BEND3: variants seen among roughly 807,000 people sequenced by gnomAD.
BEND3 encodes the protein BEN domain containing 3.
In BEND3, 13 loss-of-function variants were observed where a neutral mutation model predicts 60.1. That is an observed-to-expected ratio of 0.22 (90% CI 0.14 to 0.34). The LOEUF (loss-of-function observed/expected upper bound fraction) is 0.34, where lower values mean the gene tolerates loss of function less well. BEND3 is among the 10% of genes least tolerant of loss of function. The pLI, the probability that BEND3 is intolerant of heterozygous loss-of-function variation, is 1.00. For synonymous variants in BEND3, 497 were observed against 491.5 expected (o/e 1.01, Z -0.15); for missense variants, 896 against 1,138.1 (o/e 0.79, Z 3.06).
At chr6:107,089,198 A>G (rs1775419436) in intron 3 of BEND3, among the ~76,000 whole-genome samples, 1 of 152,172 alleles carries the variant, frequency 6.6e-6, no homozygotes, top group African/African-American at 2.4e-5. Flanking sequence ...CATGTGAGAA[A>G]TTGAAGAAGA....
At chr6:107,071,904 C>T (rs1296348665) in intron 3 of BEND3, among the ~76,000 whole-genome samples, 2 of 152,152 alleles carry the variant, frequency 1.3e-5, no homozygotes, top group African/African-American at 2.4e-5. Context: ...AAATGGAGAA[C>T]GTCAGTGGGT....
chr6:107,103,115 G>T (rs1319891157), intron 1 of BEND3, among the ~76,000 whole-genome samples: 1 of 152,190 alleles, frequency 6.6e-6, no homozygotes, highest in Non-Finnish European at 1.5e-5. Flanking sequence ...TGGAAAGTCA[G>T]TCTGCTCCGT....
rs3814072 is a variant in BEND3, at chr6:107,070,009, C to T, written c.1182G>A (p.Thr394=). 0.081 allele frequency: 130,880 copies of T among 1,613,668 alleles called. 5,424 individuals carry two copies. Among genetic ancestry groups the T allele is most frequent in the Non-Finnish European group, 0.085 (100,477 of 1,179,988 alleles). Residue 394 remains threonine (T), a synonymous_variant, in exon 4 of 4, where the codon ACG becomes ACA. Coordinates refer to ENST00000369042, the MANE Select transcript of BEND3 (RefSeq NM_001367314.1). The surrounding 1 kb of genome is among the most constrained non-coding windows in gnomAD (Gnocchi z 6.9). ...CGTCCAGGAACTCAGTGAGGTCCTG[C>T]GTGTCCACCACGTGGTCTGAGGCGA... ...STIASDHVVD[T]QDLTEFLDEA...
chr6:107,078,430 G>A (rs1775143894), intron 3 of BEND3, among the ~76,000 whole-genome samples: 1 of 151,418 alleles, frequency 6.6e-6, no homozygotes, highest in African/African-American at 2.4e-5. Flanking sequence ...TGGGGTTGAG[G>A]GCTGGAGATG....
chr6:107,094,978 G>A (rs1248409905), intron 3 of BEND3, among the ~76,000 whole-genome samples: 8 of 151,818 alleles, frequency 5.3e-5, no homozygotes, highest in African/African-American at 7.3e-5. Context: ...GTGCCACCAC[G>A]CCTGGATAAT....
Position 107,067,278 on chromosome 6 carries a change from T to C in BEND3, c.*1426A>G, listed in dbSNP as rs893964345. ...GACTACCCTGTGTGATTCAATAAAT[T>C]TTCCAGGACTCTGGTATGACACACT... On this transcript the variant is annotated 3_prime_UTR_variant, in exon 4 of 4. Coordinates refer to ENST00000369042, the MANE Select transcript of BEND3 (RefSeq NM_001367314.1). 6.6e-6 allele frequency: 1 copy of C among 152,204 alleles called. No individual in the cohort carries two copies. Among genetic ancestry groups the C allele is most frequent in the Admixed American group, 6.6e-5 (1 of 15,262 alleles). The allele number at this position is 152,204 out of a possible 1,614,324, so 9.4% of individuals were successfully genotyped here.
intron 3 of BEND3, among the ~76,000 whole-genome samples, chr6:107,071,442 A>G (rs1554232066): frequency 6.6e-6 from 1 of 152,206 alleles, no homozygotes; most frequent in African/African-American, 2.4e-5. Flanking sequence ...TTTAGCCTGC[A>G]GCCTTTGGGA....
chr6:107,085,407 T>C (rs1775323087), intron 3 of BEND3, among the ~76,000 whole-genome samples: 1 of 152,250 alleles, frequency 6.6e-6, no homozygotes, highest in Non-Finnish European at 1.5e-5. Context: ...CTTCTACTTC[T>C]GGCAGGGGGA....
At chr6:107,111,768 G>A (rs1291069614) in intron 1 of BEND3, among the ~76,000 whole-genome samples, 2 of 151,906 alleles carry the variant, frequency 1.3e-5, no homozygotes, top group Non-Finnish European at 2.9e-5. Context: ...GATCACTTGA[G>A]GTCAGGAGTT....
chr6:107,070,878 C>T lies in BEND3; in HGVS notation c.313G>A (p.Gly105Ser). Reference protein sequence around the residue: ...CQGNGEQAGRGRSLGNVWPGE... With the variant: ...CQGNGEQAGRSRSLGNVWPGE... ...GGCCACACATTGCCCAGGCTCCTGC[C>T]CCTGCCGGCCTGCTCACCATTGCCT... The change falls in exon 4 of 4, where the codon GGC becomes AGC. Residue 105 changes from glycine (G) to serine (S), a missense_variant. Physicochemically the swap from Gly to Ser is moderately conservative, Grantham distance 56. Coordinates refer to ENST00000369042, the MANE Select transcript of BEND3 (RefSeq NM_001367314.1). This position sits in a 1 kb window ranked among gnomAD's most constrained non-coding sequence, Gnocchi z 6.9. 6.2e-7 allele frequency: 1 copy of T among 1,613,974 alleles called. No homozygotes were observed. Among genetic ancestry groups the T allele is most frequent in the South Asian group, 1.1e-5 (1 of 91,086 alleles).
intron 1 of BEND3, among the ~76,000 whole-genome samples, chr6:107,112,005 A>T (rs1253646664): frequency 4.0e-5 from 6 of 149,164 alleles, no homozygotes; most frequent in Non-Finnish European, 7.4e-5. Context: ...AAAAAAAAAA[A>T]ATTAAGCACC....
intron 1 of BEND3, among the ~76,000 whole-genome samples, chr6:107,107,064 G>A (rs1220551084): frequency 6.6e-6 from 1 of 151,262 alleles, no homozygotes; most frequent in Non-Finnish European, 1.5e-5. Flanking sequence ...AGCCTCCCAA[G>A]TATCTGGGAT....
At chr6:107,099,945 T>A (rs1775670633) in intron 1 of BEND3, among the ~76,000 whole-genome samples, 1 of 152,046 alleles carries the variant, frequency 6.6e-6, no homozygotes, top group Non-Finnish European at 1.5e-5. Flanking sequence ...TCATGGCTCA[T>A]TGCAGCCTCT....
intron 3 of BEND3, among the ~76,000 whole-genome samples, chr6:107,074,858 T>C (rs1775065988): frequency 6.6e-6 from 1 of 151,760 alleles, no homozygotes; most frequent in Non-Finnish European, 1.5e-5. Flanking sequence ...TCCCAGCACT[T>C]TGGGAGGCTG....
At chr6:107,108,357 C>T (rs782251583) in intron 1 of BEND3, among the ~76,000 whole-genome samples, 2 of 152,174 alleles carry the variant, frequency 1.3e-5, no homozygotes, top group Non-Finnish European at 2.9e-5. Flanking sequence ...GGGCTACCTC[C>T]TCACATGGCT....
In BEND3 at chr6:107,083,908, C is replaced by T. The variant is rs530433740; in HGVS notation, c.241-12958G>A. 8.5e-5 allele frequency among the ~76,000 whole-genome samples: 13 copies of T among 152,136 alleles called. No homozygotes were observed. The East Asian group carries it at 1.4e-3, about 16-fold the overall frequency. On this transcript the variant is annotated intron_variant, in intron 3 of 3. Transcript: ENST00000369042. The stretch of plus-strand genomic sequence containing the variant: ...TTTGAGACCAGACTTGGCAACACAG[C>T]GAGACCCTATCTTGAAAAAGAAAAA...
chr6:107,108,216 C>T (rs545552025), intron 1 of BEND3, among the ~76,000 whole-genome samples: 16 of 152,288 alleles, frequency 1.1e-4, no homozygotes, highest in South Asian at 6.2e-4. Flanking sequence ...CAAGCACAGC[C>T]GCACAACCCT....
chr6:107,071,396 T>A (rs1774978422), intron 3 of BEND3, among the ~76,000 whole-genome samples: 1 of 152,236 alleles, frequency 6.6e-6, no homozygotes, highest in South Asian at 2.1e-4. Flanking sequence ...CAGAGATTCC[T>A]ACCTATGGTA....
chr6:107,072,951 G>A (rs1385957711), intron 3 of BEND3, among the ~76,000 whole-genome samples: 1 of 151,924 alleles, frequency 6.6e-6, no homozygotes, highest in Non-Finnish European at 1.5e-5. Flanking sequence ...TCTTGCCACT[G>A]CACCCCAGCC....
Sources: gnomAD v4.1 joint callset for allele counts (sites outside exome capture counted in the v4.1 genomes callset) on GRCh38, gnomAD v4.1.1 for gene constraint, Gnocchi (gnomAD v3.1) non-coding constraint, MANE v1.5 for transcripts, NCBI Gene and HGNC (gene_info 2026-07-23, HGNC 2026-07-21) for gene names.